The following TMEM276 variants were observed in gnomAD, a reference collection of about 807,000 sequenced individuals.
The protein encoded by TMEM276 is transmembrane protein 276.
the TMEM276 span, chr8:144,463,961 C>G: frequency 1.7e-5 from 26 of 1,494,894 alleles, no homozygotes; most frequent in South Asian, 3.4e-4. Flanking sequence ...AGTCCCCACA[C>G]GTGGCCAAAG....
the TMEM276 span, chr8:144,466,634 C>T: frequency 8.6e-6 from 8 of 930,976 alleles, no homozygotes; most frequent in Non-Finnish European, 1.2e-5. Flanking sequence ...GTGCCGAGGA[C>T]CCTCGGCTCG....
the TMEM276 span, chr8:144,465,191 C>A: frequency 7.6e-7 from 1 of 1,315,316 alleles, no homozygotes; most frequent in Non-Finnish European, 9.9e-7. Flanking sequence ...CCCTGGAGCC[C>A]AAGTGGGAGT....
At chr8:144,465,204 G>C in the TMEM276 span, 2 of 1,266,164 alleles carry the variant, frequency 1.6e-6, no homozygotes, top group Non-Finnish European at 2.1e-6. Context: ...GTGGGAGTGC[G>C]GGCCTGGGGA....
chr8:144,465,279 G>C, the TMEM276 span: 1 of 1,114,700 alleles, frequency 9.0e-7, no homozygotes, highest in Non-Finnish European at 1.1e-6. Context: ...CGTTCCGGGA[G>C]GCGTTGTCCT....
At chr8:144,464,650 A>T in the TMEM276 span, 1 of 1,580,614 alleles carries the variant, frequency 6.3e-7, no homozygotes, top group East Asian at 2.2e-5. Context: ...TGGGAAAAAG[A>T]GGCCGGGGTC....
chr8:144,464,655 G>A, the TMEM276 span: 16 of 1,577,666 alleles, frequency 1.0e-5, no homozygotes, highest in African/African-American at 2.7e-5. Context: ...AAAAGAGGCC[G>A]GGGTCACCCT....
chr8:144,466,953 C>T, the TMEM276 span: 32 of 1,590,204 alleles, frequency 2.0e-5, no homozygotes, highest in South Asian at 1.3e-4. Context: ...CCTCCCTGAC[C>T]GGCAGCCAGC....
the TMEM276 span, chr8:144,466,662 G>A: frequency 1.8e-6 from 2 of 1,103,774 alleles, no homozygotes; most frequent in Non-Finnish European, 2.4e-6. Context: ...TGCTGGAAGC[G>A]TAGACTTCGG....
the TMEM276 span, chr8:144,464,035 G>C: frequency 6.5e-7 from 1 of 1,532,604 alleles, no homozygotes; most frequent in Non-Finnish European, 8.8e-7. Flanking sequence ...GTAGGCAGAA[G>C]AGTCTACCCC....
the TMEM276 span, chr8:144,465,810 T>G: frequency 3.2e-5 from 1 of 31,198 alleles, no homozygotes; most frequent in African/African-American, 1.4e-4. Context: ...GCGGCGGGTC[T>G]GAGAGGGAGG....
the TMEM276 span, chr8:144,466,475 A>G: frequency 7.5e-7 from 1 of 1,338,734 alleles, no homozygotes; most frequent in Non-Finnish European, 9.7e-7. Flanking sequence ...TTCCGCAGGG[A>G]TGGTGGCGCC....
At chr8:144,464,304 C>T in the TMEM276 span, 50 of 1,613,086 alleles carry the variant, frequency 3.1e-5, no homozygotes, top group Non-Finnish European at 4.1e-5. Flanking sequence ...AAGTGTTGGC[C>T]GTGAAGACAG....
the TMEM276 span, chr8:144,466,751 C>G: frequency 9.8e-6 from 15 of 1,524,052 alleles, no homozygotes; most frequent in East Asian, 3.3e-4. Flanking sequence ...GCCCCTGCCC[C>G]CTCCCTAGAG....
At chr8:144,466,683 C>A in the TMEM276 span, 1 of 1,278,390 alleles carries the variant, frequency 7.8e-7, no homozygotes, top group Non-Finnish European at 1.0e-6. Context: ...CCCCAATCCT[C>A]CGGCCCGGTT....
chr8:144,466,892 G>A, the TMEM276 span: 1 of 1,545,492 alleles, frequency 6.5e-7, no homozygotes, highest in East Asian at 2.4e-5. Context: ...GACCTCCCAG[G>A]GAGGGGCGGA....
chr8:144,465,428 C>T, the TMEM276 span: 1 of 1,010,142 alleles, frequency 9.9e-7, no homozygotes, highest in Non-Finnish European at 1.2e-6. Context: ...GCCGTCGGCC[C>T]TGCCTCCTCT....
At chr8:144,464,478 C>T in the TMEM276 span, 61 of 1,612,368 alleles carry the variant, frequency 3.8e-5, no homozygotes, top group Non-Finnish European at 4.8e-5. Context: ...AATCGAAGGC[C>T]AGAAGGGGAA....
the TMEM276 span, chr8:144,465,387 A>G: frequency 9.7e-7 from 1 of 1,030,778 alleles, no homozygotes; most frequent in Non-Finnish European, 1.2e-6. Context: ...GGCGAGCGGG[A>G]GGCCCGAGCC....
the TMEM276 span, chr8:144,464,651 G>C: frequency 6.3e-6 from 10 of 1,580,246 alleles, no homozygotes; most frequent in Non-Finnish European, 8.6e-6. Flanking sequence ...GGGAAAAAGA[G>C]GCCGGGGTCA....
Sources: gnomAD v4.1 joint callset for allele counts on GRCh38, gnomAD v4.1.1 for gene constraint, MANE v1.5 for transcripts, NCBI Gene and HGNC (gene_info 2026-07-23, HGNC 2026-07-21) for gene names.